The following STXBP5L variants were observed in gnomAD, a reference collection of about 807,000 sequenced individuals.
STXBP5L encodes the protein syntaxin-binding protein 5-like.
A neutral mutation model predicts 144.5 loss-of-function variants in STXBP5L; 65 were observed. The ratio of observed to expected loss-of-function variants is 0.45; its 90% CI spans 0.37 to 0.55. STXBP5L has a LOEUF of 0.55. Ranked by LOEUF, STXBP5L falls within the 20% of genes least tolerant of loss-of-function variation. The pLI is 0.00. For missense variants in STXBP5L, 1,298 were observed against 1,405.5 expected (o/e 0.92, Z 1.22); for synonymous variants, 505 against 469.6 (o/e 1.08, Z -0.97).
chr3:121,318,652 T>A (rs901783795), intron 20 of STXBP5L, 112 bp downstream of exon 20: 2 of 691,060 alleles, frequency 2.9e-6, no homozygotes, highest in South Asian at 9.4e-5. Context: ...TTAGGTATAA[T>A]TCCATTCATT....
chr3:120,921,968 A>T (rs1172877964), intron 2 of STXBP5L, among the ~76,000 whole-genome samples: 1 of 151,830 alleles, frequency 6.6e-6, no homozygotes, highest in South Asian at 2.1e-4. Context: ...GTTTCATATA[A>T]ATTTTAGGAT....
chr3:121,356,504 A>G (rs1015612793), intron 20 of STXBP5L, among the ~76,000 whole-genome samples: 4 of 152,254 alleles, frequency 2.6e-5, no homozygotes, highest in African/African-American at 9.6e-5. Flanking sequence ...AACCAGGCAC[A>G]GGAGAGAGTC....
At chr3:121,365,405 T>C (rs1224644508) in intron 20 of STXBP5L, among the ~76,000 whole-genome samples, 1 of 91,658 alleles carries the variant, frequency 1.1e-5, no homozygotes, top group African/African-American at 4.7e-5. Context: ...TTTTCTTTCT[T>C]TTTTTTTAAT....
chr3:121,313,057 C>A (rs1245190492), intron 19 of STXBP5L, among the ~76,000 whole-genome samples: 4 of 150,920 alleles, frequency 2.7e-5, no homozygotes, highest in African/African-American at 7.3e-5. Context: ...GCGCCCCTCA[C>A]CTCCCGGATG....
chr3:121,178,861 G>A (rs2047033644), intron 9 of STXBP5L, among the ~76,000 whole-genome samples: 1 of 152,068 alleles, frequency 6.6e-6, no homozygotes, highest in South Asian at 2.1e-4. Flanking sequence ...GGAAGAGTCA[G>A]GCAGCCAGCA....
At chr3:121,255,304 A>C (rs891255432) in intron 16 of STXBP5L, among the ~76,000 whole-genome samples, 192 bp downstream of exon 16, 1 of 152,090 alleles carries the variant, frequency 6.6e-6, no homozygotes, top group African/African-American at 2.4e-5. Flanking sequence ...AAAAGGCCAA[A>C]ACAATTCTCT....
At chr3:121,096,467 A>T (rs368282523) in intron 5 of STXBP5L, among the ~76,000 whole-genome samples, 1 of 152,004 alleles carries the variant, frequency 6.6e-6, no homozygotes, top group East Asian at 1.9e-4. Context: ...GCCACTTTGC[A>T]CTGGTTTCTC....
chr3:121,069,993 T>C (rs2041733871), intron 5 of STXBP5L, among the ~76,000 whole-genome samples: 1 of 152,362 alleles, frequency 6.6e-6, no homozygotes, highest in East Asian at 1.9e-4. Flanking sequence ...TGATAAGTTG[T>C]GTCATGATTA....
intron 3 of STXBP5L, among the ~76,000 whole-genome samples, chr3:121,024,765 A>T (rs182362856): frequency 1.3e-5 from 2 of 152,300 alleles, no homozygotes; most frequent in African/African-American, 4.8e-5. Flanking sequence ...TATCCCATAA[A>T]TGTATAAACA....
intron 5 of STXBP5L, among the ~76,000 whole-genome samples, chr3:121,085,791 A>G (rs1329907006): frequency 6.6e-6 from 1 of 152,214 alleles, no homozygotes; most frequent in East Asian, 1.9e-4. Context: ...TTAAACTATT[A>G]TTGACATTCT....
intron 2 of STXBP5L, among the ~76,000 whole-genome samples, chr3:120,946,044 A>AT (rs1302605922): frequency 2.6e-5 from 4 of 151,636 alleles, no homozygotes; most frequent in African/African-American, 7.3e-5. Context: ...AGCCATATTT[A>AT]TTTTTTTCAT....
intron 3 of STXBP5L, among the ~76,000 whole-genome samples, chr3:120,997,124 A>T (rs541612948): frequency 6.6e-6 from 1 of 151,696 alleles, no homozygotes; most frequent in Non-Finnish European, 1.5e-5. Flanking sequence ...AAAGGAAATG[A>T]TTTTTTTTAT....
chr3:121,168,880 A>G (rs1180690897), intron 9 of STXBP5L, among the ~76,000 whole-genome samples: 2 of 152,110 alleles, frequency 1.3e-5, no homozygotes, highest in Non-Finnish European at 2.9e-5. Flanking sequence ...TCCCCACGAC[A>G]CAATTGTCAG....
intron 5 of STXBP5L, among the ~76,000 whole-genome samples, chr3:121,069,732 C>T (rs1403843626): frequency 6.6e-6 from 1 of 151,832 alleles, no homozygotes; most frequent in African/African-American, 2.4e-5. Context: ...TATGGTTTTA[C>T]ATTTAAAATT....
chr3:121,265,834 C>T (rs924784757), intron 18 of STXBP5L, among the ~76,000 whole-genome samples: 3 of 152,002 alleles, frequency 2.0e-5, no homozygotes, highest in African/African-American at 7.3e-5. Context: ...TCAGAGAATA[C>T]TATAAACTAG....
chr3:121,072,732 A>C (rs1319694958), intron 5 of STXBP5L, among the ~76,000 whole-genome samples: 2 of 152,022 alleles, frequency 1.3e-5, no homozygotes, highest in Non-Finnish European at 2.9e-5. Flanking sequence ...TGTTTCCTCT[A>C]GCCTTGTCAC....
At chr3:120,981,820 T>G (rs909581709) in intron 3 of STXBP5L, among the ~76,000 whole-genome samples, 1 of 152,198 alleles carries the variant, frequency 6.6e-6, no homozygotes, top group Non-Finnish European at 1.5e-5. Context: ...ATCTTTGAGT[T>G]TAGTTTTGTT....
chr3:120,946,111 T>C (rs1373649675), intron 2 of STXBP5L, among the ~76,000 whole-genome samples: 1 of 151,978 alleles, frequency 6.6e-6, no homozygotes, highest in East Asian at 1.9e-4. Flanking sequence ...CTTGGTGATC[T>C]AATATTTACT....
intron 5 of STXBP5L, among the ~76,000 whole-genome samples, chr3:121,068,531 C>A (rs943484503): frequency 1.3e-5 from 2 of 152,024 alleles, no homozygotes; most frequent in African/African-American, 4.8e-5. Context: ...AGGATTTCAA[C>A]ATGAATCCTT....
Sources: allele counts gnomAD v4.1 joint callset (sites outside exome capture counted in the v4.1 genomes callset), GRCh38; gene constraint gnomAD v4.1.1; transcripts MANE v1.5; gene names NCBI Gene and HGNC (gene_info 2026-07-23, HGNC 2026-07-21).